The following XCR1 variants were observed in gnomAD, a reference collection of about 807,000 sequenced individuals.
XCR1 encodes chemokine XC receptor 1.
For synonymous variants in XCR1, 187 were observed against 188.5 expected (o/e 0.99, Z 0.06); for missense variants, 356 against 424.2 (o/e 0.84, Z 1.41).
intron 2 of XCR1, among the ~76,000 whole-genome samples, chr3:46,075,450 A>G (rs1575442992): frequency 6.6e-6 from 1 of 152,138 alleles, no homozygotes; most frequent in East Asian, 1.9e-4. Context: ...AGAAGAAAAC[A>G]TAAGAGAAAA....
At chr3:46,030,047 T>A (rs1708368614), upstream of XCR1, among the ~76,000 whole-genome samples, 1 of 145,908 alleles carries the variant, frequency 6.9e-6, no homozygotes, top group African/African-American at 2.5e-5. Flanking sequence ...TAGTTTTTTG[T>A]TTTTGTTTTT....
At chr3:46,028,313 T>C (rs1266831201), upstream of XCR1, among the ~76,000 whole-genome samples, 2 of 152,200 alleles carry the variant, frequency 1.3e-5, no homozygotes, top group Non-Finnish European at 1.5e-5. Context: ...AGACAGTTTT[T>C]CCACATCCTT....
chr3:46,067,037 A>G (rs1211085741), intron 3 of XCR1, among the ~76,000 whole-genome samples: 2 of 152,234 alleles, frequency 1.3e-5, no homozygotes, highest in African/African-American at 4.8e-5. Context: ...GGAGCATAGC[A>G]TATTCAGCCA....
chr3:46,036,740 A>G (rs1184606646), intron 5 of XCR1, among the ~76,000 whole-genome samples: 1 of 152,232 alleles, frequency 6.6e-6, no homozygotes, highest in Non-Finnish European at 1.5e-5. Context: ...GGAATTTTTT[A>G]ATAAGTAAGA....
Position 46,018,805 on chromosome 3 carries a change from C to T in XCR1, c.*2141G>A, listed in dbSNP as rs988545254. The T allele has an allele frequency of 1.3e-5, 2 of 152,226 alleles. No individual in the cohort carries two copies. Among genetic ancestry groups the T allele is most frequent in the Non-Finnish European group, 2.9e-5 (2 of 68,036 alleles). The allele number at this position is 152,226 out of a possible 1,614,324, so 9.4% of individuals were successfully genotyped here. On this transcript the variant is annotated 3_prime_UTR_variant, in exon 2 of 2. Coordinates refer to ENST00000309285, the MANE Select transcript of XCR1 (RefSeq NM_001024644.2). ...GGCCAGAGGGCTACATTGGTATCTA[C>T]TTTATTCAATAACAAGATATTGAGT...
chr3:46,036,235 T>C (rs1030406067), intron 5 of XCR1, among the ~76,000 whole-genome samples: 7 of 152,150 alleles, frequency 4.6e-5, no homozygotes, highest in African/African-American at 1.7e-4. Context: ...TTCCAGGTGG[T>C]TTTCTGTGGT....
At chr3:46,046,033 CT>C (rs1697619468) in intron 5 of XCR1, among the ~76,000 whole-genome samples, 1 of 152,176 alleles carries the variant, frequency 6.6e-6, no homozygotes, top group Non-Finnish European at 1.5e-5. Context: ...TACCATTCAG[CT>C]GTTAAAAAGA....
At chr3:46,048,003 C>T (rs1697667987) in intron 5 of XCR1, among the ~76,000 whole-genome samples, 1 of 152,152 alleles carries the variant, frequency 6.6e-6, no homozygotes, top group Non-Finnish European at 1.5e-5. Flanking sequence ...ACACCAGTTA[C>T]GTTAATAGAA....
At chr3:46,027,896 A>G (rs1385730280), upstream of XCR1, among the ~76,000 whole-genome samples, 1 of 152,150 alleles carries the variant, frequency 6.6e-6, no homozygotes, top group Non-Finnish European at 1.5e-5. Flanking sequence ...ATTTGCATAA[A>G]GTGTAACGTC....
rs1008260093 is a variant in XCR1, at chr3:46,018,891, T to A, written c.*2055A>T. On this transcript the variant is annotated 3_prime_UTR_variant, in exon 2 of 2. Coordinates refer to ENST00000309285, the MANE Select transcript of XCR1 (RefSeq NM_001024644.2). ...AGAAGACTCTGGACTCCTCATTTTT[T>A]AAAAAAGTTGCAGCCAAATGTACCT... 2 of 152,226 alleles carry A rather than the reference T, an allele frequency of 1.3e-5. No individual in the cohort carries two copies. Among genetic ancestry groups the A allele is most frequent in the South Asian group, 2.1e-4 (1 of 4,838 alleles). The allele number at this position is 152,226 out of a possible 1,614,324, so 9.4% of individuals were successfully genotyped here.
chr3:46,017,470 C>G lies in XCR1; in HGVS notation c.*3476G>C, dbSNP rs1025008554. On this transcript the variant is annotated 3_prime_UTR_variant, in exon 2 of 2. Transcript: ENST00000309285. ...TCATGGGGTGAGTACCTGGTGTTGA[C>G]CAGAAGATGAGATGTAGGCAAGTAT... 6.6e-5 allele frequency: 10 copies of G among 152,130 alleles called. No individual in the cohort carries two copies. The highest frequency in any genetic ancestry group is 7.3e-5 in the Non-Finnish European group (5 of 68,040). The allele number at this position is 152,130 out of a possible 1,614,324, so 9.4% of individuals were successfully genotyped here.
At chr3:46,077,258 C>A (rs985539120) in intron 1 of XCR1, among the ~76,000 whole-genome samples, 1 of 152,072 alleles carries the variant, frequency 6.6e-6, no homozygotes, top group Admixed American at 6.6e-5. Context: ...CTACCCATTT[C>A]TAGTATTACC....
chr3:46,025,869 TAAGAG>T (rs1490953906), intron 1 of XCR1, among the ~76,000 whole-genome samples: 2 of 152,108 alleles, frequency 1.3e-5, no homozygotes, highest in Non-Finnish European at 2.9e-5. Flanking sequence ...CAAATTACAA[TAAGAG>T]AAAACTACAG....
intron 5 of XCR1, among the ~76,000 whole-genome samples, chr3:46,050,635 G>A (rs1400861899): frequency 1.3e-5 from 2 of 152,168 alleles, no homozygotes; most frequent in Non-Finnish European, 2.9e-5. Context: ...CCCACAAAAT[G>A]CTGAGGTAAT....
In XCR1 at chr3:46,035,588, A is replaced by G. The variant is rs187989198; in HGVS notation, c.-31-13610T>C. Reference sequence around the variant, plus strand: ...GCCCACTCAGTTTTGGTTGGAGATAAGTTTCAGTCTGTCTCTGGCCCCACT... The same window carrying G: ...GCCCACTCAGTTTTGGTTGGAGATAGGTTTCAGTCTGTCTCTGGCCCCACT... On this transcript the variant is annotated intron_variant, in intron 5 of 5. Transcript: ENST00000683768. Among the ~76,000 whole-genome samples, 714 of 151,916 alleles carry G rather than the reference A, an allele frequency of 4.7e-3. 4 individuals carry two copies. Among genetic ancestry groups the G allele is most frequent in the Admixed American group, 8.1e-3 (124 of 15,266 alleles).
At chr3:46,070,670 T>C (rs1698149061) in intron 3 of XCR1, among the ~76,000 whole-genome samples, 1 of 152,126 alleles carries the variant, frequency 6.6e-6, no homozygotes, top group Non-Finnish European at 1.5e-5. Context: ...TACCAAAAAG[T>C]TGAGTTCCTC....
intron 4 of XCR1, among the ~76,000 whole-genome samples, chr3:46,058,000 C>G (rs576004798): frequency 6.6e-6 from 1 of 151,952 alleles, no homozygotes; most frequent in Non-Finnish European, 1.5e-5. Flanking sequence ...TATCTTGCTA[C>G]CTATCTCCTA....
At chr3:46,055,228 T>A (rs928291196) in intron 4 of XCR1, among the ~76,000 whole-genome samples, 3 of 152,220 alleles carry the variant, frequency 2.0e-5, no homozygotes, top group African/African-American at 7.2e-5. Flanking sequence ...ACCATTGGCA[T>A]CCCTGTTGTT....
chr3:46,045,479 G>A (rs1181852108), intron 5 of XCR1, among the ~76,000 whole-genome samples: 3 of 151,992 alleles, frequency 2.0e-5, no homozygotes, highest in Non-Finnish European at 4.4e-5. Flanking sequence ...ATCAATTAAT[G>A]TAATCCATCA....
Sources: allele counts gnomAD v4.1 joint callset (sites outside exome capture counted in the v4.1 genomes callset), GRCh38; gene constraint gnomAD v4.1.1; transcripts MANE v1.5; gene names NCBI Gene and HGNC (gene_info 2026-07-23, HGNC 2026-07-21).